Variants in AGBL4 observed in about 807,000 individuals in gnomAD.
AGBL4 encodes the protein cytosolic carboxypeptidase 6.
A neutral mutation model predicts 66.4 loss-of-function variants in AGBL4; 58 were observed. The ratio of observed to expected loss-of-function variants is 0.87; its 90% CI spans 0.71 to 1.09. AGBL4 has a LOEUF of 1.09. Among genes scored for constraint, AGBL4 ranks in the 50% least tolerant of loss-of-function variants. The pLI is 0.00. For missense variants in AGBL4, 579 were observed against 631.0 expected (o/e 0.92, Z 0.88); for synonymous variants, 234 against 222.9 (o/e 1.05, Z -0.44).
intron 1 of AGBL4, among the ~76,000 whole-genome samples, chr1:49,922,953 C>T (rs550024032): frequency 9.9e-5 from 15 of 151,940 alleles, no homozygotes; most frequent in Non-Finnish European, 2.1e-4. Flanking sequence ...CACAGGTGAA[C>T]TAGAAAAAAA....
intron 3 of AGBL4, among the ~76,000 whole-genome samples, chr1:49,391,811 T>G (rs564264235): frequency 5.9e-5 from 9 of 152,076 alleles, no homozygotes; most frequent in Non-Finnish European, 1.3e-4. Context: ...TCTGCCCACC[T>G]TGGCCTCCCA....
chr1:49,743,308 A>C (rs1398225966), intron 2 of AGBL4, among the ~76,000 whole-genome samples: 3 of 152,246 alleles, frequency 2.0e-5, no homozygotes, highest in Admixed American at 6.5e-5. Context: ...AAAAATGCTC[A>C]TCATCACTAG....
chr1:48,636,731 G>A (rs1186871097), intron 8 of AGBL4, among the ~76,000 whole-genome samples: 1 of 152,198 alleles, frequency 6.6e-6, no homozygotes, highest in Non-Finnish European at 1.5e-5. Flanking sequence ...GAGCCCCACA[G>A]CCACACTCAT....
intron 3 of AGBL4, among the ~76,000 whole-genome samples, chr1:49,595,975 C>CTTT (rs1318883675): frequency 6.6e-6 from 1 of 152,116 alleles, no homozygotes; most frequent in Non-Finnish European, 1.5e-5. Context: ...TCTCTCACCT[C>CTTT]TTCTCTACTC....
rs775689856 is a variant in AGBL4 at position 48,683,794 on chromosome 1, T to C, written c.635-20553A>G. Among the ~76,000 whole-genome samples the C allele has an allele frequency of 9.5e-4, 144 of 152,264 alleles. 2 individuals are homozygous for C. Among genetic ancestry groups the C allele is most frequent in the Non-Finnish European group, 2.8e-4 (19 of 68,016 alleles). ...TATTGATGAGCCATGGAGCATTAGCTCTGTAATTACCTACCAGTCAACAGC... is the reference window on the plus strand; with the variant it reads ...TATTGATGAGCCATGGAGCATTAGCCCTGTAATTACCTACCAGTCAACAGC... On this transcript the variant is annotated intron_variant, in intron 6 of 13. Coordinates refer to ENST00000371839, the MANE Select transcript of AGBL4 (RefSeq NM_032785.4).
At chr1:49,468,685 AT>A (rs1646678462) in intron 3 of AGBL4, among the ~76,000 whole-genome samples, 1 of 151,706 alleles carries the variant, frequency 6.6e-6, no homozygotes, top group African/African-American at 2.4e-5. Flanking sequence ...TATGCTATGT[AT>A]TTCATCTTCA....
At chr1:48,969,784 G>T (rs1658760734) in intron 5 of AGBL4, among the ~76,000 whole-genome samples, 1 of 152,096 alleles carries the variant, frequency 6.6e-6, no homozygotes, top group Non-Finnish European at 1.5e-5. Flanking sequence ...CTACCCTATA[G>T]GATTGCTGTA....
intron 3 of AGBL4, among the ~76,000 whole-genome samples, chr1:49,631,011 C>A (rs184861664): frequency 5.3e-5 from 8 of 152,268 alleles, no homozygotes; most frequent in Admixed American, 5.2e-4. Context: ...TGTTGCCTTG[C>A]AGAGAAACAG....
chr1:48,611,195 C>G (rs924845620), intron 9 of AGBL4, among the ~76,000 whole-genome samples: 2 of 152,244 alleles, frequency 1.3e-5, no homozygotes, highest in Non-Finnish European at 2.9e-5. Flanking sequence ...GGATTAGAAG[C>G]AGGCTTGAGG....
chr1:49,061,281 G>A (rs1644396964), intron 4 of AGBL4, among the ~76,000 whole-genome samples: 1 of 151,916 alleles, frequency 6.6e-6, no homozygotes, highest in African/African-American at 2.4e-5. Flanking sequence ...AATCAGGAGT[G>A]AGGGCTAACC....
chr1:49,636,985 GC>G (rs1645686074), intron 3 of AGBL4, among the ~76,000 whole-genome samples: 1 of 152,208 alleles, frequency 6.6e-6, no homozygotes, highest in Non-Finnish European at 1.5e-5. Flanking sequence ...TTAACCAGCT[GC>G]CAGTGCGGCT....
intron 2 of AGBL4, among the ~76,000 whole-genome samples, chr1:49,763,301 G>A (rs972201523): frequency 2.0e-5 from 3 of 152,144 alleles, no homozygotes; most frequent in Admixed American, 2.0e-4. Flanking sequence ...TTAAAGTCAG[G>A]TAGTGTGATT....
Position 48,698,835 on chromosome 1 carries a change from C to A in AGBL4, c.635-35594G>T, listed in dbSNP as rs1166988931. The stretch of plus-strand genomic sequence containing the variant: ...TTTTATAGATGAGAATGCTAAGGCC[C>A]AGAGAAGTTAAATAACTGGTCACAG... On this transcript the variant is annotated intron_variant, in intron 6 of 13. Transcript: ENST00000371839. Among the ~76,000 whole-genome samples the A allele has an allele frequency of 3.9e-5, 6 of 152,256 alleles. No homozygotes were observed. In the East Asian group the frequency reaches 1.2e-3, roughly 29 times the overall value.
chr1:49,800,471 C>T (rs1467469082), intron 2 of AGBL4, among the ~76,000 whole-genome samples: 2 of 129,878 alleles, frequency 1.5e-5, no homozygotes, highest in South Asian at 2.7e-4. Context: ...CCCACTAACT[C>T]GTCATCTAGC....
intron 3 of AGBL4, among the ~76,000 whole-genome samples, chr1:49,552,554 C>T (rs1653050625): frequency 1.3e-5 from 2 of 152,164 alleles, no homozygotes; most frequent in Admixed American, 6.6e-5. Flanking sequence ...GGAAACTTCT[C>T]CTGCAAACAG....
intron 4 of AGBL4, among the ~76,000 whole-genome samples, chr1:49,210,685 G>A (rs907376129): frequency 2.6e-5 from 4 of 151,884 alleles, no homozygotes; most frequent in Admixed American, 2.6e-4. Flanking sequence ...CAGGCAAAAA[G>A]TCATATTGTT....
chr1:49,803,448 G>A (rs1644909139), intron 2 of AGBL4, among the ~76,000 whole-genome samples: 2 of 152,150 alleles, frequency 1.3e-5, no homozygotes. Flanking sequence ...AAATCTAAAT[G>A]ACACTCTCTA....
intron 11 of AGBL4, among the ~76,000 whole-genome samples, chr1:48,555,759 G>C (rs1487902966): frequency 6.6e-6 from 1 of 152,174 alleles, no homozygotes; most frequent in African/African-American, 2.4e-5. Context: ...AGGGAGAATG[G>C]TGAGTTAGGG....
rs141730083 is a variant in AGBL4, at chr1:48,938,966, G to A, written c.595-71736C>T. 3.8e-3 allele frequency among the ~76,000 whole-genome samples: 572 copies of A among 152,340 alleles called. 1 individual carries two copies. The highest frequency in any genetic ancestry group is 0.024 in the Middle Eastern group (7 of 294). On this transcript the variant is annotated intron_variant, in intron 5 of 13. Transcript: ENST00000371839. Reference sequence around the variant, plus strand: ...CATTTAATCTTCAAGGAAGCCCAGTGGAGGAGCGACTAGTATCATCACCCC... The same window carrying A: ...CATTTAATCTTCAAGGAAGCCCAGTAGAGGAGCGACTAGTATCATCACCCC...
Sources: allele counts gnomAD v4.1 joint callset (sites outside exome capture counted in the v4.1 genomes callset), GRCh38; gene constraint gnomAD v4.1.1; transcripts MANE v1.5; gene names NCBI Gene and HGNC (gene_info 2026-07-23, HGNC 2026-07-21).